Variants in FAF2 observed in about 807,000 individuals in gnomAD.
FAF2 encodes FAS-associated factor 2.
Under a neutral mutation model 62.3 loss-of-function variants are expected in FAF2, and 9 were observed. The observed-to-expected ratio is 0.14, with a 90% CI of 0.09 to 0.25. FAF2 has a LOEUF of 0.25. Among genes scored for constraint, FAF2 ranks in the 10% least tolerant of loss-of-function variants. The pLI, the probability that FAF2 is intolerant of heterozygous loss-of-function variation, is 1.00. For synonymous variants in FAF2, 202 were observed against 198.0 expected (o/e 1.02, Z -0.17); for missense variants, 368 against 556.2 (o/e 0.66, Z 3.40).
chr5:176,509,953 G>C lies in FAF2; in HGVS notation c.*3003G>C, dbSNP rs552908736. 1.3e-5 allele frequency: 2 copies of C among 152,674 alleles called. No individual in the cohort carries two copies. The highest frequency in any genetic ancestry group is 4.8e-5 in the African/African-American group (2 of 41,460). 9.5% of individuals were successfully genotyped at this position (152,674 alleles called of 1,614,324 possible). Reference sequence around the variant, plus strand: ...CACAAAGGATGCAGTGCCCCAACTTGTACTGCGCCTGAATAGTCATGTGAT... The same window carrying C: ...CACAAAGGATGCAGTGCCCCAACTTCTACTGCGCCTGAATAGTCATGTGAT... On this transcript the variant is annotated 3_prime_UTR_variant, in exon 11 of 11. Coordinates refer to ENST00000261942, the MANE Select transcript of FAF2 (RefSeq NM_014613.3).
intron 2 of FAF2, among the ~76,000 whole-genome samples, chr5:176,483,039 TTTTTTATTTA>T (rs1451057579): frequency 2.0e-5 from 3 of 151,672 alleles, no homozygotes; most frequent in Admixed American, 6.6e-5. Context: ...CTGTTTTCTT[TTTTTTATTTA>T]TTTTTATTTA....
intron 1 of FAF2, among the ~76,000 whole-genome samples, chr5:176,466,521 TGAG>T (rs922720513): frequency 8.5e-5 from 13 of 152,288 alleles, no homozygotes; most frequent in Admixed American, 5.9e-4. Flanking sequence ...CTTAGGAAAA[TGAG>T]GAGATTACAC....
chr5:176,493,526 G>A (rs567803193), intron 5 of FAF2, among the ~76,000 whole-genome samples: 2 of 152,360 alleles, frequency 1.3e-5, no homozygotes, highest in East Asian at 1.9e-4. Flanking sequence ...CCTTTGGATC[G>A]TACAGTCCAT....
chr5:176,486,283 A>G (rs1758874819), intron 2 of FAF2, 72 bp from the exon 3 acceptor site: 7 of 1,586,650 alleles, frequency 4.4e-6, no homozygotes, highest in Middle Eastern at 1.7e-4. Context: ...ACCACGCAAT[A>G]GTTGCCTCAC....
At chr5:176,484,090 G>C (rs1389898578) in intron 2 of FAF2, among the ~76,000 whole-genome samples, 1 of 151,528 alleles carries the variant, frequency 6.6e-6, no homozygotes, top group Non-Finnish European at 1.5e-5. Context: ...GAAAAAAAAA[G>C]AAAAAAAGGG....
At chr5:176,470,635 ACT>A (rs928401268) in intron 1 of FAF2, among the ~76,000 whole-genome samples, 3 of 151,790 alleles carry the variant, frequency 2.0e-5, no homozygotes, top group Non-Finnish European at 2.9e-5. Context: ...TTAAAAACAC[ACT>A]CACACACACA....
chr5:176,488,541 C>T (rs533459850), intron 3 of FAF2, among the ~76,000 whole-genome samples: 13 of 152,168 alleles, frequency 8.5e-5, no homozygotes, highest in Admixed American at 7.9e-4. Flanking sequence ...CCTGCCTCAG[C>T]CTCCCTGAGT....
chr5:176,499,745 G>C (rs2913901), intron 9 of FAF2, among the ~76,000 whole-genome samples: 126,814 of 152,034 alleles, frequency 0.83, 53,076 homozygotes, highest in African/African-American at 0.92. Flanking sequence ...TGTGGCCTCT[G>C]AAGTAGCTGG....
chr5:176,491,474 C>T (rs1450353310), intron 4 of FAF2, among the ~76,000 whole-genome samples: 2 of 152,110 alleles, frequency 1.3e-5, no homozygotes, highest in African/African-American at 4.8e-5. Flanking sequence ...GGTACTTGCC[C>T]CTTTGAAGAG....
intron 1 of FAF2, among the ~76,000 whole-genome samples, chr5:176,458,407 C>CGTTTTTTTT (rs1581468208): frequency 3.3e-5 from 1 of 30,078 alleles, no homozygotes; most frequent in East Asian, 1.5e-3. Context: ...TCTTTTTCTT[C>CGTTTTTTTT]CTTTTTTTTT....
In FAF2 at chr5:176,448,429, G is replaced by C; in HGVS notation, c.22G>C (p.Asp8His). Residue 8 changes from aspartate to histidine, a missense_variant, in exon 1 of 11, where the codon GAT (aspartate) becomes CAT (histidine). Asp to His is a moderately conservative substitution (Grantham distance 81). This residue lies in a region of FAF2 where 331 missense variants were observed against 441.9 expected (regional missense o/e 0.75). Coordinates refer to ENST00000261942, the MANE Select transcript of FAF2 (RefSeq NM_014613.3). Reference sequence around the variant, plus strand: ...CAAAATGGCGGCGCCTGAGGAGCGGGATCTAACCCAGGAGCAGACAGAGAA... The same window carrying C: ...CAAAATGGCGGCGCCTGAGGAGCGGCATCTAACCCAGGAGCAGACAGAGAA... MAAPEER[D>H]LTQEQTEKLL... 3 of 1,607,698 alleles carry C rather than the reference G, an allele frequency of 1.9e-6. No individual in the cohort carries two copies.
At chr5:176,478,631 T>C (rs1758741609) in intron 1 of FAF2, among the ~76,000 whole-genome samples, 1 of 152,224 alleles carries the variant, frequency 6.6e-6, no homozygotes, top group South Asian at 2.1e-4. Context: ...TATGTAGAGG[T>C]TGAGTATTCC....
intron 1 of FAF2, among the ~76,000 whole-genome samples, chr5:176,460,555 T>TGTGTA (rs1491182423): frequency 6.7e-6 from 1 of 148,824 alleles, no homozygotes; most frequent in Non-Finnish European, 1.5e-5. Flanking sequence ...TGTGTGTGTA[T>TGTGTA]TTTTTTTTTC....
At chr5:176,472,129 GT>G (rs869146152) in intron 1 of FAF2, among the ~76,000 whole-genome samples, 7 of 147,234 alleles carry the variant, frequency 4.8e-5, no homozygotes, top group African/African-American at 7.4e-5. Flanking sequence ...TTTGTTTTGA[GT>G]TTTTTTTTTT....
intron 1 of FAF2, among the ~76,000 whole-genome samples, chr5:176,466,827 T>C (rs996631779): frequency 6.6e-6 from 1 of 152,178 alleles, no homozygotes; most frequent in African/African-American, 2.4e-5. Context: ...GAAAGTAGTA[T>C]AGAATAGTTC....
At chr5:176,457,349 T>C (rs1423148705) in intron 1 of FAF2, among the ~76,000 whole-genome samples, 1 of 152,016 alleles carries the variant, frequency 6.6e-6, no homozygotes, top group Non-Finnish European at 1.5e-5. Context: ...CCACCACTTC[T>C]GGCTTATTTT....
At chr5:176,479,966 A>T (rs1427603990) in intron 2 of FAF2, among the ~76,000 whole-genome samples, 1 of 152,200 alleles carries the variant, frequency 6.6e-6, no homozygotes, top group Non-Finnish European at 1.5e-5. Context: ...AAGTGCTGGG[A>T]TTACAGGCGT....
chr5:176,470,306 G>A (rs1192895997), intron 1 of FAF2, among the ~76,000 whole-genome samples: 6 of 152,222 alleles, frequency 3.9e-5, no homozygotes, highest in East Asian at 1.9e-4. Context: ...AGCCGGGTGC[G>A]GTGACTCACG....
intron 1 of FAF2, among the ~76,000 whole-genome samples, chr5:176,451,370 C>CA (rs1049914696): frequency 1.5e-4 from 22 of 150,392 alleles, no homozygotes; most frequent in East Asian, 1.2e-3. Flanking sequence ...GACTCTGTCT[C>CA]AAAAAAAAAA....
Sources: allele counts gnomAD v4.1 joint callset (sites outside exome capture counted in the v4.1 genomes callset), GRCh38; gene constraint gnomAD v4.1.1; regional missense constraint gnomAD v4.1.1; transcripts MANE v1.5; gene names NCBI Gene and HGNC (gene_info 2026-07-23, HGNC 2026-07-21).